The following TTC29 variants were observed in gnomAD, a reference collection of about 807,000 sequenced individuals.
The protein encoded by TTC29 is tetratricopeptide repeat protein 29.
A neutral mutation model predicts 58.1 loss-of-function variants in TTC29; 49 were observed. The observed-to-expected ratio is 0.84, with a 90% CI of 0.67 to 1.07. The LOEUF is 1.07. Among genes scored for constraint, TTC29 ranks in the 50% least tolerant of loss-of-function variants. The pLI, the probability that TTC29 is intolerant of heterozygous loss-of-function variation, is 0.00. For synonymous variants in TTC29, 209 were observed against 196.8 expected (o/e 1.06, Z -0.52); for missense variants, 582 against 555.6 (o/e 1.05, Z -0.48).
At chr4:146,929,337 G>A (rs993650886) in intron 4 of TTC29, among the ~76,000 whole-genome samples, 3 of 151,722 alleles carry the variant, frequency 2.0e-5, no homozygotes, top group South Asian at 2.1e-4. Context: ...GTGGCTGCAG[G>A]GCCCAGTCAT....
intron 9 of TTC29, 59 bp downstream of exon 9, chr4:146,833,747 A>C: frequency 7.3e-7 from 1 of 1,364,254 alleles, no homozygotes; most frequent in Non-Finnish European, 1.0e-6. Context: ...CAAACAATTT[A>C]AGCCTTTCAC....
rs144887925 is a variant in TTC29 at position 146,747,856 on chromosome 4, G to T, written c.1331-40305C>A. On this transcript the variant is annotated intron_variant, in intron 11 of 12. Transcript: ENST00000325106. Reference sequence around the variant, plus strand: ...GCCACTCCAGTCATCAGGCCAAATGGCCCCAGCACCCCACCTACCTGGAAC... The same window carrying T: ...GCCACTCCAGTCATCAGGCCAAATGTCCCCAGCACCCCACCTACCTGGAAC... 2.0e-5 allele frequency among the ~76,000 whole-genome samples: 3 copies of T among 152,134 alleles called. No individual in the cohort carries two copies. In the South Asian group the frequency reaches 6.2e-4, roughly 32 times the overall value.
intron 4 of TTC29, among the ~76,000 whole-genome samples, chr4:146,910,065 T>A (rs1348805279): frequency 6.6e-6 from 1 of 151,974 alleles, no homozygotes; most frequent in Non-Finnish European, 1.5e-5. Context: ...AAAAGAACAA[T>A]TAGATACCAA....
At position 146,867,518 on chromosome 4, in the gene TTC29, C is replaced by G; in HGVS notation, c.865G>C (p.Glu289Gln). 1.3e-6 allele frequency: 2 copies of G among 1,539,962 alleles called. No homozygotes were observed. Among genetic ancestry groups the G allele is most frequent in the South Asian group, 2.6e-5 (2 of 78,426 alleles). Residue 289 changes from glutamate (E) to glutamine (Q), a missense_variant, in exon 8 of 13, where the codon GAA (glutamate) becomes CAA (glutamine). Transcript: ENST00000325106. ...YLGLAHLAAE[E>Q]YETALTVLDT... Reference sequence around the variant, plus strand: ...CTTACTGTTAATGCTGTTTCATATTCCTCAGCAGCTAAGTGTGCTAAGCCC... The same window carrying G: ...CTTACTGTTAATGCTGTTTCATATTGCTCAGCAGCTAAGTGTGCTAAGCCC...
intron 11 of TTC29, chr4:146,764,055 T>C (rs1372184250): frequency 6.6e-6 from 1 of 152,088 alleles, no homozygotes; most frequent in Non-Finnish European, 1.5e-5. Context: ...ATGTTTCAAG[T>C]GCACAACATG....
At chr4:146,877,673 TCC>T (rs66772386) in intron 6 of TTC29, among the ~76,000 whole-genome samples, 10,735 of 152,216 alleles carry the variant, frequency 0.071, 477 homozygotes, top group Admixed American at 0.13. Context: ...ATACAAGAGT[TCC>T]TTTTCTTTTT....
At chr4:146,824,299 T>C (rs1727600672) in intron 9 of TTC29, among the ~76,000 whole-genome samples, 1 of 152,106 alleles carries the variant, frequency 6.6e-6, no homozygotes, top group African/African-American at 2.4e-5. Context: ...TTATTGAGAG[T>C]TTTTAACATG....
chr4:146,713,913 CTA>C (rs1477234540), intron 11 of TTC29, among the ~76,000 whole-genome samples: 2 of 152,100 alleles, frequency 1.3e-5, no homozygotes, highest in African/African-American at 4.8e-5. Context: ...TGTCCAGACA[CTA>C]AATACTTTCT....
intron 6 of TTC29, among the ~76,000 whole-genome samples, 189 bp from the exon 7 acceptor site, chr4:146,875,117 T>A (rs923807144): frequency 6.6e-6 from 1 of 152,172 alleles, no homozygotes; most frequent in Non-Finnish European, 1.5e-5. Context: ...TCAGCGTGAA[T>A]TTTAGATACA....
rs149482396 is a variant in TTC29 at position 146,896,090 on chromosome 4, G to T, written c.586+7454C>A. Among the ~76,000 whole-genome samples the T allele has an allele frequency of 8.7e-3, 1,318 of 152,212 alleles. 18 individuals are homozygous for T. Among genetic ancestry groups the T allele is most frequent in the African/African-American group, 0.03 (1,267 of 41,556 alleles). On this transcript the variant is annotated intron_variant, in intron 6 of 12. Transcript: ENST00000325106. ...CGATTTTTTGCAAACTTAACTTTAT[G>T]TTTAATTGATTTAATTGTTTACTGT...
Position 146,834,159 on chromosome 4 carries a change from TTA to T in TTC29, c.886-264_886-263del, listed in dbSNP as rs1180547529. The stretch of plus-strand genomic sequence containing the variant: ...TGCATAATTGCCCAAATCTTCCAAT[TTA>T]TATAACTTAGGTGTGAATAAATAAT... On this transcript the variant is annotated intron_variant, in intron 8 of 12. Transcript: ENST00000325106. Among the ~76,000 whole-genome samples, 3 of 152,306 alleles carry T rather than the reference TTA, an allele frequency of 2.0e-5. No individual in the cohort carries two copies. In the East Asian group the frequency reaches 5.8e-4, roughly 29 times the overall value.
At chr4:146,726,012 A>T (rs1743756839) in intron 11 of TTC29, among the ~76,000 whole-genome samples, 1 of 152,086 alleles carries the variant, frequency 6.6e-6, no homozygotes, top group African/African-American at 2.4e-5. Context: ...AATTAGGACT[A>T]TTGATGTGTA....
chr4:146,708,870 A>G (rs1311077545), intron 11 of TTC29, among the ~76,000 whole-genome samples: 3 of 152,084 alleles, frequency 2.0e-5, no homozygotes, highest in Admixed American at 2.0e-4. Flanking sequence ...TCAAGATACT[A>G]TCAGCCCAGA....
chr4:146,734,530 T>A (rs539364921), intron 11 of TTC29, among the ~76,000 whole-genome samples: 1 of 152,110 alleles, frequency 6.6e-6, no homozygotes, highest in East Asian at 1.9e-4. Flanking sequence ...CTGTCAGAAG[T>A]TCCAGGACTT....
intron 11 of TTC29, among the ~76,000 whole-genome samples, chr4:146,762,762 A>G (rs766342918): frequency 2.0e-5 from 3 of 152,008 alleles, no homozygotes; most frequent in African/African-American, 7.2e-5. Context: ...ATATAACCGA[A>G]GTATAATTTT....
chr4:146,893,723 T>A (rs1173665802), intron 6 of TTC29, among the ~76,000 whole-genome samples: 2 of 152,164 alleles, frequency 1.3e-5, no homozygotes, highest in East Asian at 3.9e-4. Context: ...CAGCAAAAGA[T>A]ACTACCATCA....
At chr4:146,719,831 GA>G (rs1743226896) in intron 11 of TTC29, among the ~76,000 whole-genome samples, 1 of 151,072 alleles carries the variant, frequency 6.6e-6, no homozygotes, top group Non-Finnish European at 1.5e-5. Flanking sequence ...CATAAAGTCA[GA>G]AAAAGAAAAA....
intron 6 of TTC29, among the ~76,000 whole-genome samples, chr4:146,879,506 A>AGGTCTTTT (rs752376889): frequency 3.3e-5 from 5 of 152,212 alleles, no homozygotes; most frequent in Non-Finnish European, 7.3e-5. Context: ...AAAAGACCTC[A>AGGTCTTTT]ATATGGTGAT....
At chr4:146,834,371 G>A (rs569100525) in intron 8 of TTC29, among the ~76,000 whole-genome samples, 5 of 152,218 alleles carry the variant, frequency 3.3e-5, no homozygotes, top group Admixed American at 6.5e-5. Flanking sequence ...ATAGCTCACC[G>A]TTTGTGCATG....
Sources: allele counts gnomAD v4.1 joint callset (sites outside exome capture counted in the v4.1 genomes callset), GRCh38; gene constraint gnomAD v4.1.1; transcripts MANE v1.5; gene names NCBI Gene and HGNC (gene_info 2026-07-23, HGNC 2026-07-21).